Variants in DCLK1 observed in about 807,000 individuals in gnomAD.
The protein encoded by DCLK1 is doublecortin like kinase 1, also known as serine/threonine-protein kinase DCLK1.
Under a neutral mutation model 86.2 loss-of-function variants are expected in DCLK1, and 16 were observed. The observed-to-expected ratio is 0.19, with a 90% CI of 0.13 to 0.28. The LOEUF is 0.28. DCLK1 is among the 10% of genes least tolerant of loss of function. The probability of loss-of-function intolerance (pLI) is 1.00; values close to 1 mark genes in which losing one functional copy is unlikely to be tolerated. For missense variants in DCLK1, 590 were observed against 940.2 expected, an observed-to-expected ratio of 0.63 and a Z score of 4.87; for synonymous variants, 369 against 370.5, an observed-to-expected ratio of 1.00 and a Z score of 0.05.
At chr13:35,926,137 C>T (rs1279053976) in intron 4 of DCLK1, among the ~76,000 whole-genome samples, 1 of 151,794 alleles carries the variant, frequency 6.6e-6, no homozygotes, top group Non-Finnish European at 1.5e-5. Context: ...TGGCTCACTG[C>T]AATGTCTGCC....
chr13:35,799,839 A>AC (rs1485371887), intron 15 of DCLK1, among the ~76,000 whole-genome samples: 1 of 151,984 alleles, frequency 6.6e-6, no homozygotes, highest in Non-Finnish European at 1.5e-5. Context: ...AAGTGACTCA[A>AC]CCCCCTTTCT....
intron 4 of DCLK1, among the ~76,000 whole-genome samples, chr13:35,881,128 A>C (rs893630537): frequency 6.6e-6 from 1 of 152,200 alleles, no homozygotes; most frequent in Admixed American, 6.5e-5. Context: ...ATGACAGCCT[A>C]CCAGAAGGTA....
intron 16 of DCLK1, among the ~76,000 whole-genome samples, chr13:35,775,046 G>A (rs538834653): frequency 6.6e-6 from 1 of 152,118 alleles, no homozygotes; most frequent in Non-Finnish European, 1.5e-5. Flanking sequence ...CTGAAAAGGG[G>A]TGCCTGAGTC....
intron 4 of DCLK1, among the ~76,000 whole-genome samples, chr13:35,888,250 A>G (rs1464911068): frequency 1.3e-5 from 2 of 152,208 alleles, no homozygotes; most frequent in Admixed American, 6.5e-5. Flanking sequence ...TGTATTGTTT[A>G]ATTTTAAAGC....
intron 4 of DCLK1, among the ~76,000 whole-genome samples, chr13:35,896,097 C>T (rs1229231734): frequency 6.6e-6 from 1 of 151,674 alleles, no homozygotes; most frequent in East Asian, 1.9e-4. Context: ...ATATATGCCC[C>T]AAAAGGAAAG....
intron 6 of DCLK1, chr13:35,846,613 A>G (rs1389070711): frequency 3.0e-6 from 3 of 985,200 alleles, no homozygotes; most frequent in African/African-American, 3.5e-5. Context: ...ATATTTTTCA[A>G]CTGACAGTAC....
rs138175127 is a variant in DCLK1, at chr13:36,046,472, A to T, written c.723+65397T>A. The stretch of plus-strand genomic sequence containing the variant: ...GATCCATAAATCACATTCTCAAGAA[A>T]GCCAAAAAAGTAAACTGGTTGTTTG... On this transcript the variant is annotated intron_variant, in intron 3 of 16. Transcript: ENST00000360631. Among the ~76,000 whole-genome samples, 771 of 152,344 alleles carry T rather than the reference A, an allele frequency of 5.1e-3. 15 individuals carry two copies. Among genetic ancestry groups the T allele is most frequent in the Admixed American group, 0.043 (657 of 15,298 alleles).
intron 5 of DCLK1, among the ~76,000 whole-genome samples, chr13:35,867,833 A>G (rs1871904190): frequency 6.6e-6 from 1 of 150,770 alleles, no homozygotes; most frequent in Non-Finnish European, 1.5e-5. Context: ...CCCCATCTTT[A>G]TTGACTTAAA....
At chr13:35,962,281 G>A (rs911600156) in intron 3 of DCLK1, among the ~76,000 whole-genome samples, 1 of 152,138 alleles carries the variant, frequency 6.6e-6, no homozygotes, top group Non-Finnish European at 1.5e-5. Context: ...CTGGAGTTGA[G>A]CAGGCCCCTA....
chr13:35,805,629 T>C (rs569813225), intron 15 of DCLK1, 70 bp downstream of exon 15: 9 of 1,480,140 alleles, frequency 6.1e-6, no homozygotes, highest in Non-Finnish European at 8.4e-6. Flanking sequence ...GCAATAACAT[T>C]AGAAAATCTG....
At chr13:35,831,415 T>C (rs971811133) in intron 8 of DCLK1, among the ~76,000 whole-genome samples, 4 of 152,152 alleles carry the variant, frequency 2.6e-5, no homozygotes, top group African/African-American at 9.7e-5. Context: ...AATAAGAATA[T>C]AAGTGTCTGC....
intron 2 of DCLK1, among the ~76,000 whole-genome samples, chr13:36,115,929 T>C (rs1481117547): frequency 6.7e-6 from 1 of 150,040 alleles, no homozygotes; most frequent in East Asian, 1.9e-4. Flanking sequence ...AAAAATCACC[T>C]ATGTATTTTT....
rs890923503 is a variant in DCLK1 at position 36,092,993 on chromosome 13, G to A, written c.723+18876C>T. ...AAAAAAAGAAAAAAATGGCTTTGGA[G>A]AGGAAAGTATTGTTAACATCACTGA... On this transcript the variant is annotated intron_variant, in intron 3 of 16. Coordinates refer to ENST00000360631, the MANE Select transcript of DCLK1 (RefSeq NM_001330071.2). Among the ~76,000 whole-genome samples, 3 of 152,152 alleles carry A rather than the reference G, an allele frequency of 2.0e-5. No homozygotes were observed. The South Asian group carries it at 6.2e-4, about 32-fold the overall frequency.
At chr13:35,979,110 A>G (rs1430348487) in intron 3 of DCLK1, among the ~76,000 whole-genome samples, 1 of 152,142 alleles carries the variant, frequency 6.6e-6, no homozygotes, top group African/African-American at 2.4e-5. Context: ...TCACATACAG[A>G]TCTCTGCTAA....
At chr13:35,932,095 TC>T (rs1876471835) in intron 4 of DCLK1, among the ~76,000 whole-genome samples, 1 of 152,150 alleles carries the variant, frequency 6.6e-6, no homozygotes, top group African/African-American at 2.4e-5. Flanking sequence ...ATCAGTGGAC[TC>T]CATAAGGTAG....
At chr13:36,065,111 G>T (rs978668095) in intron 3 of DCLK1, among the ~76,000 whole-genome samples, 14 of 152,206 alleles carry the variant, frequency 9.2e-5, no homozygotes, top group Non-Finnish European at 1.5e-4. Flanking sequence ...GGACTTCTCA[G>T]CTATCTGTGC....
intron 4 of DCLK1, among the ~76,000 whole-genome samples, chr13:35,942,124 C>T (rs1233647086): frequency 6.6e-6 from 1 of 152,178 alleles, no homozygotes; most frequent in Non-Finnish European, 1.5e-5. Context: ...GCTCTCCTCC[C>T]TGATGGTTCG....
At chr13:35,891,201 G>A (rs1873624241) in intron 4 of DCLK1, among the ~76,000 whole-genome samples, 1 of 152,040 alleles carries the variant, frequency 6.6e-6, no homozygotes, top group African/African-American at 2.4e-5. Flanking sequence ...GATGACTTAG[G>A]TAGACTGTAT....
chr13:36,006,610 C>T (rs577647079), intron 3 of DCLK1, among the ~76,000 whole-genome samples: 160 of 152,300 alleles, frequency 1.1e-3, no homozygotes, highest in African/African-American at 3.5e-3. Context: ...AAGGAGGGGG[C>T]GCAGCCCTGA....
Sources: gnomAD v4.1 joint callset for allele counts (sites outside exome capture counted in the v4.1 genomes callset) on GRCh38, gnomAD v4.1.1 for gene constraint, MANE v1.5 for transcripts, NCBI Gene and HGNC (gene_info 2026-07-23, HGNC 2026-07-21) for gene names.